CCDC178: variants seen among roughly 807,000 people sequenced by gnomAD.
The protein encoded by CCDC178 is coiled-coil domain-containing protein 178.
In CCDC178, 126 loss-of-function variants were observed where a neutral mutation model predicts 117.4. The observed-to-expected ratio is 1.07, with a 90% CI of 0.93 to 1.24. The LOEUF (loss-of-function observed/expected upper bound fraction) is 1.24. Ranked by LOEUF, CCDC178 falls within the 50% of genes most tolerant of loss-of-function variation. The pLI, the probability that CCDC178 is intolerant of heterozygous loss-of-function variation, is 0.00. For synonymous variants in CCDC178, 283 were observed against 313.4 expected, an observed-to-expected ratio of 0.90 and a Z score of 1.02; for missense variants, 1,030 against 986.9, an observed-to-expected ratio of 1.04 and a Z score of -0.59.
chr18:33,121,147 C>T (rs2057931246), intron 20 of CCDC178, among the ~76,000 whole-genome samples: 2 of 152,180 alleles, frequency 1.3e-5, no homozygotes, highest in South Asian at 4.1e-4. Context: ...TTAATAAATT[C>T]ACTTTAAGTA....
intron 14 of CCDC178, among the ~76,000 whole-genome samples, chr18:33,264,142 A>G (rs1404797550): frequency 6.6e-6 from 1 of 152,140 alleles, no homozygotes; most frequent in Non-Finnish European, 1.5e-5. Context: ...ACTTTAGGAA[A>G]TGAAAAATTA....
intron 20 of CCDC178, among the ~76,000 whole-genome samples, chr18:33,198,935 T>A (rs1293075590): frequency 2.0e-5 from 3 of 152,186 alleles, no homozygotes; most frequent in African/African-American, 7.2e-5. Context: ...TTAAGGGATG[T>A]GCTTTACTGC....
Position 33,009,242 on chromosome 18 carries a change from T to A in CCDC178, c.2389-34561A>T, listed in dbSNP as rs1162517557. On this transcript the variant is annotated intron_variant, in intron 21 of 22. Transcript: ENST00000383096. ...TTCCTCTGTCTTTGACCACTTTCAG[T>A]CTATTTCAAACCCAGTTTCCAGAGT... Among the ~76,000 whole-genome samples, 4 of 152,100 alleles carry A rather than the reference T, an allele frequency of 2.6e-5. No individual in the cohort carries two copies. In the East Asian group the frequency reaches 7.7e-4, roughly 29 times the overall value.
intron 21 of CCDC178, among the ~76,000 whole-genome samples, chr18:33,009,469 C>T (rs1162020288): frequency 6.6e-6 from 1 of 152,030 alleles, no homozygotes; most frequent in Non-Finnish European, 1.5e-5. Context: ...ATGCTTTTAT[C>T]TTAGTGACTT....
At chr18:33,073,320 T>C (rs2145004015) in intron 21 of CCDC178, among the ~76,000 whole-genome samples, 1 of 152,146 alleles carries the variant, frequency 6.6e-6, no homozygotes, top group African/African-American at 2.4e-5. Flanking sequence ...TATTACATGA[T>C]TATACGATGT....
chr18:33,099,479 G>A (rs2057592349), intron 20 of CCDC178, among the ~76,000 whole-genome samples: 2 of 151,914 alleles, frequency 1.3e-5, no homozygotes, highest in African/African-American at 2.4e-5. Flanking sequence ...ATATATTTTA[G>A]AATAAACAAG....
intron 20 of CCDC178, among the ~76,000 whole-genome samples, chr18:33,113,664 G>A (rs1277828501): frequency 2.0e-5 from 3 of 151,988 alleles, no homozygotes; most frequent in African/African-American, 7.2e-5. Context: ...GGGTGAAAAA[G>A]AAATGTCTAC....
intron 8 of CCDC178, 125 bp from the exon 9 acceptor site, chr18:33,346,536 G>A: frequency 2.3e-6 from 1 of 432,564 alleles, no homozygotes; most frequent in Non-Finnish European, 3.8e-6. Flanking sequence ...TTAGAAAAAT[G>A]AATTACCTTT....
intron 12 of CCDC178, among the ~76,000 whole-genome samples, chr18:33,275,614 A>G (rs1210789901): frequency 8.6e-6 from 1 of 116,082 alleles, no homozygotes; most frequent in African/African-American, 3.2e-5. Flanking sequence ...GGAGGGAGGG[A>G]GGGATTTCTA....
intron 2 of CCDC178, among the ~76,000 whole-genome samples, chr18:33,438,491 A>T (rs1361225748): frequency 6.6e-6 from 1 of 151,910 alleles, no homozygotes; most frequent in Non-Finnish European, 1.5e-5. Flanking sequence ...AAAGTTCAAC[A>T]TCGATTTTAA....
intron 21 of CCDC178, among the ~76,000 whole-genome samples, chr18:33,068,897 A>G (rs1354211641): frequency 2.6e-5 from 4 of 152,196 alleles, no homozygotes; most frequent in African/African-American, 9.6e-5. Context: ...TTTGCAGATG[A>G]CATGATCCTA....
At chr18:33,211,073 T>C (rs926805941) in intron 20 of CCDC178, among the ~76,000 whole-genome samples, 4 of 151,660 alleles carry the variant, frequency 2.6e-5, no homozygotes, top group South Asian at 2.1e-4. Context: ...GATATAATAA[T>C]TGAATATATA....
chr18:33,206,621 T>C (rs1377938784), intron 20 of CCDC178, among the ~76,000 whole-genome samples: 3 of 152,052 alleles, frequency 2.0e-5, no homozygotes, highest in African/African-American at 7.2e-5. Flanking sequence ...AATATAGCTT[T>C]TCAACATTGA....
chr18:33,383,800 A>G (rs188212359), intron 5 of CCDC178, among the ~76,000 whole-genome samples: 3 of 152,292 alleles, frequency 2.0e-5, no homozygotes, highest in Admixed American at 6.5e-5. Context: ...TGGAATGCCT[A>G]TTCTCCTCCA....
intron 20 of CCDC178, among the ~76,000 whole-genome samples, chr18:33,093,218 A>C (rs1042515893): frequency 6.6e-6 from 1 of 151,978 alleles, no homozygotes; most frequent in Admixed American, 6.6e-5. Flanking sequence ...TCATGCCTTG[A>C]AAGGTGCCCA....
chr18:32,980,811 G>T (rs1568195530), intron 21 of CCDC178, among the ~76,000 whole-genome samples: 1 of 152,042 alleles, frequency 6.6e-6, no homozygotes, highest in Non-Finnish European at 1.5e-5. Flanking sequence ...GTAAAGATGT[G>T]AAAAAAATTA....
At chr18:33,273,501 C>T (rs919945610) in intron 12 of CCDC178, among the ~76,000 whole-genome samples, 1 of 151,596 alleles carries the variant, frequency 6.6e-6, no homozygotes, top group Non-Finnish European at 1.5e-5. Context: ...CATTGTAGTA[C>T]TGGCATAAGG....
chr18:33,024,921 G>C (rs913746537), intron 21 of CCDC178, among the ~76,000 whole-genome samples: 19 of 151,706 alleles, frequency 1.3e-4, no homozygotes, highest in African/African-American at 4.6e-4. Context: ...CCAAAGTGCT[G>C]GGATTACAGG....
At chr18:33,282,562 T>C (rs1192733990) in intron 12 of CCDC178, among the ~76,000 whole-genome samples, 8 of 152,150 alleles carry the variant, frequency 5.3e-5, no homozygotes, top group African/African-American at 1.9e-4. Context: ...AGCTTCTGCA[T>C]TGGTAAACCA....
Sources: allele counts gnomAD v4.1 joint callset (sites outside exome capture counted in the v4.1 genomes callset), GRCh38; gene constraint gnomAD v4.1.1; transcripts MANE v1.5; gene names NCBI Gene and HGNC (gene_info 2026-07-23, HGNC 2026-07-21).